NPEPPS: variants seen among roughly 807,000 people sequenced by gnomAD.
NPEPPS encodes aminopeptidase puromycin sensitive.
In NPEPPS, 14 loss-of-function variants were observed where a neutral mutation model predicts 115.5. That is an observed-to-expected ratio of 0.12 (90% confidence interval 0.08 to 0.19). The LOEUF is 0.19. NPEPPS is among the 10% of genes least tolerant of loss of function. The probability of loss-of-function intolerance (pLI) is 1.00; values close to 1 mark genes in which losing one functional copy is unlikely to be tolerated. For missense variants in NPEPPS, 523 were observed against 1,110.8 expected (o/e 0.47, Z 7.52); for synonymous variants, 285 against 390.6 (o/e 0.73, Z 3.19).
intron 12 of NPEPPS, among the ~76,000 whole-genome samples, chr17:47,593,299 C>G (rs1912629579): frequency 6.6e-6 from 1 of 152,128 alleles, no homozygotes. Context: ...TGGTGGCTCA[C>G]GCCTGTAATC....
At chr17:47,529,389 C>T (rs956058567), upstream of NPEPPS, among the ~76,000 whole-genome samples, 5 of 150,172 alleles carry the variant, frequency 3.3e-5, no homozygotes, top group Non-Finnish European at 7.4e-5. Flanking sequence ...AGGCACACGT[C>T]ACCACACCTG....
At chr17:47,555,864 C>T (rs969880813) in intron 2 of NPEPPS, among the ~76,000 whole-genome samples, 105 of 151,982 alleles carry the variant, frequency 6.9e-4, no homozygotes, top group African/African-American at 2.4e-3. Flanking sequence ...AACCTGTAAT[C>T]CATGTTTGGA....
At chr17:47,542,546 C>CAAAA (rs397857323) in intron 1 of NPEPPS, among the ~76,000 whole-genome samples, 1 of 83,118 alleles carries the variant, frequency 1.2e-5, no homozygotes. Flanking sequence ...AGCTCCGTCT[C>CAAAA]AAAAAAAAAA....
chr17:47,618,467 G>A lies in NPEPPS; in HGVS notation c.2403+10G>A, dbSNP rs374316867. ...CACGTTTGCACTTTCAGTAAGTTACGGTGAAAACTGCATTTAGAAGTGAAT... is the reference window on the plus strand; with the variant it reads ...CACGTTTGCACTTTCAGTAAGTTACAGTGAAAACTGCATTTAGAAGTGAAT... On this transcript the variant is annotated intron_variant, in intron 20 of 22. Coordinates refer to ENST00000322157, the MANE Select transcript of NPEPPS (RefSeq NM_006310.4). 1.9e-4 allele frequency: 299 copies of A among 1,547,264 alleles called. 1 individual carries two copies. Among genetic ancestry groups the A allele is most frequent in the Non-Finnish European group, 2.6e-4 (286 of 1,119,394 alleles).
intron 1 of NPEPPS, among the ~76,000 whole-genome samples, chr17:47,534,934 T>C (rs1171208909): frequency 2.0e-5 from 3 of 151,838 alleles, no homozygotes; most frequent in African/African-American, 7.3e-5. Context: ...AATTAGTCCA[T>C]GTTCAGTGAT....
chr17:47,593,457 G>A (rs1247487567), intron 12 of NPEPPS, among the ~76,000 whole-genome samples: 1 of 152,166 alleles, frequency 6.6e-6, no homozygotes, highest in Non-Finnish European at 1.5e-5. Context: ...TACTCAGGAG[G>A]CTGAAGTGGG....
At chr17:47,604,824 T>G (rs1308322922) in intron 16 of NPEPPS, among the ~76,000 whole-genome samples, 3 of 152,250 alleles carry the variant, frequency 2.0e-5, no homozygotes, top group Non-Finnish European at 4.4e-5. Context: ...CTGAAAGGAC[T>G]TTGAATTTGT....
intron 2 of NPEPPS, among the ~76,000 whole-genome samples, chr17:47,565,235 G>A (rs1345167893): frequency 2.6e-5 from 4 of 152,272 alleles, no homozygotes; most frequent in African/African-American, 9.6e-5. Flanking sequence ...TTGAGGCTGG[G>A]CGTGGTGGCT....
At chr17:47,557,353 C>T (rs566404059) in intron 2 of NPEPPS, 1 of 152,154 alleles carries the variant, frequency 6.6e-6, no homozygotes, top group African/African-American at 2.4e-5. Context: ...GCTGGGATTA[C>T]AGGTGTGAGC....
chr17:47,573,358 A>G (rs896856476), intron 3 of NPEPPS, among the ~76,000 whole-genome samples: 8 of 152,198 alleles, frequency 5.3e-5, no homozygotes, highest in Non-Finnish European at 1.2e-4. Flanking sequence ...TTAGACTCTA[A>G]TGAAGCTGTT....
At chr17:47,531,678 G>A (rs1907783645) in intron 1 of NPEPPS, 123 bp downstream of exon 1, 1 of 1,269,230 alleles carries the variant, frequency 7.9e-7, no homozygotes, top group Non-Finnish European at 9.9e-7. Flanking sequence ...GGCGGCCGCA[G>A]GGCGCCGGGT....
At chr17:47,528,094 G>A (rs1907512846), upstream of NPEPPS, among the ~76,000 whole-genome samples, 1 of 151,122 alleles carries the variant, frequency 6.6e-6, no homozygotes, top group South Asian at 2.1e-4. Flanking sequence ...CTGAGGTAAG[G>A]AGTTTGAGAC....
chr17:47,595,694 A>C (rs1051400431), intron 12 of NPEPPS, among the ~76,000 whole-genome samples: 3 of 151,658 alleles, frequency 2.0e-5, no homozygotes, highest in East Asian at 2.0e-4. Flanking sequence ...AATTGCAAGA[A>C]ATTATGGGCC....
intron 2 of NPEPPS, among the ~76,000 whole-genome samples, chr17:47,561,074 A>G (rs1910392158): frequency 6.6e-6 from 1 of 152,244 alleles, no homozygotes; most frequent in African/African-American, 2.4e-5. Context: ...AGAATCCACT[A>G]GATGCTTGTA....
chr17:47,553,521 A>C (rs1173952152), intron 2 of NPEPPS, among the ~76,000 whole-genome samples: 1 of 152,182 alleles, frequency 6.6e-6, no homozygotes, highest in Non-Finnish European at 1.5e-5. Flanking sequence ...TATGGTAGTT[A>C]CAGTAGTTCC....
At position 47,612,527 on chromosome 17, in the gene NPEPPS, G is replaced by A. The variant is rs1478223708; in HGVS notation, c.2163G>A (p.Thr721=). The A allele has an allele frequency of 4.3e-6, 7 of 1,613,954 alleles. No individual in the cohort carries two copies. The highest frequency in any genetic ancestry group is 1.1e-5 in the South Asian group (1 of 91,082). ...GKLGKAGHKA[T]LEEARRRFKD... is the part of the protein sequence containing the mutation. ...TAGGAAAAGCAGGACATAAGGCAAC[G>A]TTAGAAGAAGCCCGTCGTCGGTTTA... The change falls in exon 18 of 23, where the codon ACG becomes ACA. Residue 721 remains threonine, a synonymous_variant. Transcript: ENST00000322157.
At chr17:47,546,053 T>TGG (rs1909185187) in intron 2 of NPEPPS, 60 bp downstream of exon 2, 1 of 1,483,334 alleles carries the variant, frequency 6.7e-7, no homozygotes, top group Non-Finnish European at 9.0e-7. Flanking sequence ...GGTGTGTGTG[T>TGG]GTGTGTGTGT....
intron 1 of NPEPPS, among the ~76,000 whole-genome samples, chr17:47,539,490 G>A (rs112374397): frequency 2.7e-5 from 4 of 150,600 alleles, no homozygotes; most frequent in East Asian, 2.0e-4. Context: ...AGATGTTAAC[G>A]TTTTGCCCCA....
upstream of NPEPPS, among the ~76,000 whole-genome samples, chr17:47,529,734 A>AC (rs1907589424): frequency 3.9e-4 from 4 of 10,150 alleles, no homozygotes; most frequent in Admixed American, 2.4e-3. Context: ...AATTTCAGTT[A>AC]CATTATATAT....
Sources: allele counts gnomAD v4.1 joint callset (sites outside exome capture counted in the v4.1 genomes callset), GRCh38; gene constraint gnomAD v4.1.1; transcripts MANE v1.5; gene names NCBI Gene and HGNC (gene_info 2026-07-23, HGNC 2026-07-21).